The following PDCD11 variants were observed in gnomAD, a reference collection of about 807,000 sequenced individuals.
PDCD11 encodes the protein protein RRP5 homolog.
Under a neutral mutation model 198.9 loss-of-function variants are expected in PDCD11, and 97 were observed. That is an observed-to-expected ratio of 0.49 (90% confidence interval 0.41 to 0.58). The LOEUF is 0.58. PDCD11 is among the 20% of genes least tolerant of loss of function. PDCD11 has a pLI of 0.00. For missense variants in PDCD11, 2,102 were observed against 2,312.7 expected (o/e 0.91, Z 1.87); for synonymous variants, 893 against 918.0 (o/e 0.97, Z 0.49).
chr10:103,413,644 T>C (rs564327272), intron 9 of PDCD11, among the ~76,000 whole-genome samples: 1 of 152,212 alleles, frequency 6.6e-6, no homozygotes, highest in South Asian at 2.1e-4. Flanking sequence ...CTGTCCTAAT[T>C]GTTCAACGCT....
intron 11 of PDCD11, 106 bp from the exon 12 acceptor site, chr10:103,414,899 G>A (rs2031015710): frequency 8.7e-7 from 1 of 1,148,980 alleles, no homozygotes; most frequent in Middle Eastern, 2.1e-4. Context: ...GGCACAGTTA[G>A]CCCAGGAAGT....
At position 103,421,498 on chromosome 10, in the gene PDCD11, A is replaced by C. The variant is rs1592128226; in HGVS notation, c.2428A>C (p.Thr810Pro). Residue 810 changes from threonine (T) to proline (P), a missense_variant, in exon 17 of 36, where the codon ACC becomes CCC. Physicochemically the swap from Thr to Pro is conservative, Grantham distance 38 (BLOSUM62 -1). Coordinates refer to ENST00000369797, the MANE Select transcript of PDCD11 (RefSeq NM_014976.2). The part of the protein sequence containing the change: ...SDCGLGDLAI[T>P]SLLLLNQCLE... ...CTGTGGTCTGGGGGACTTGGCTATC[A>C]CCAGCCTCCTCCTCCTGAATCAGTG... 2.5e-6 allele frequency: 4 copies of C among 1,592,460 alleles called. No individual in the cohort carries two copies. The highest frequency in any genetic ancestry group is 3.4e-6 in the Non-Finnish European group (4 of 1,169,244).
chr10:103,432,359 G>T, intron 22 of PDCD11, 125 bp downstream of exon 22: 1 of 695,404 alleles, frequency 1.4e-6, no homozygotes. Flanking sequence ...CTGGGTTTGT[G>T]GGAGACAGTA....
Position 103,396,696 on chromosome 10 carries a change from G to A in PDCD11, c.-46G>A, listed in dbSNP as rs1487931025. ...GCGTGTGTGAGTACCGCGGCGCGAG[G>A]TTAGTGGTAGCTGGGTGCAGACGCC... is the stretch of plus-strand genomic sequence containing the variant. On this transcript the variant is annotated 5_prime_UTR_variant, in exon 1 of 36. Coordinates refer to ENST00000369797, the MANE Select transcript of PDCD11 (RefSeq NM_014976.2). 6.6e-6 allele frequency: 1 copy of A among 152,572 alleles called. No homozygotes were observed. Among genetic ancestry groups the A allele is most frequent in the Non-Finnish European group, 1.5e-5 (1 of 68,330 alleles). The allele number at this position is 152,572 out of a possible 1,614,324, so 9.5% of individuals were successfully genotyped here. A position where few individuals can be genotyped will look rare whatever the true frequency, so the allele number is the denominator to read the frequency against.
intron 20 of PDCD11, among the ~76,000 whole-genome samples, chr10:103,426,563 G>C (rs1191439359): frequency 6.6e-6 from 1 of 152,168 alleles, no homozygotes; most frequent in Non-Finnish European, 1.5e-5. Context: ...GGGAGGCTGA[G>C]GTGGGTGGAT....
At chr10:103,439,921 TC>T in intron 28 of PDCD11, 53 bp downstream of exon 28, 1 of 1,607,166 alleles carries the variant, frequency 6.2e-7, no homozygotes, top group Non-Finnish European at 8.5e-7. Flanking sequence ...AACCCCTTTC[TC>T]CAGGAGCCCT....
chr10:103,441,793 G>C lies in PDCD11; in HGVS notation c.4558-33G>C, dbSNP rs780640113. The C allele has an allele frequency of 3.7e-6, 6 of 1,604,828 alleles. No homozygotes were observed. The East Asian group carries it at 1.3e-4, about 36-fold the overall frequency. On this transcript the variant is annotated intron_variant, in intron 30 of 35. Coordinates refer to ENST00000369797, the MANE Select transcript of PDCD11 (RefSeq NM_014976.2). ...GGGGAACAGGGAGCAGCCTGAGCCA[G>C]GTGCTTTCTTTAGCGCCTCTGTGTT...
At chr10:103,434,719 C>T (rs4917389) in intron 24 of PDCD11, 79 bp from the exon 25 acceptor site, 167,684 of 1,261,290 alleles carry the variant, frequency 0.13, 12,376 homozygotes, top group Middle Eastern at 0.19. Flanking sequence ...CCACCTTCCC[C>T]AGCCTGTGTG....
chr10:103,417,713 A>G, intron 13 of PDCD11, 79 bp from the exon 14 acceptor site: 2 of 1,460,154 alleles, frequency 1.4e-6, no homozygotes, highest in Non-Finnish European at 1.9e-6. Context: ...AGTCCTCTGC[A>G]GCAGTAGTGG....
chr10:103,422,664 G>T (rs1404661968), intron 17 of PDCD11, among the ~76,000 whole-genome samples: 1 of 152,096 alleles, frequency 6.6e-6, no homozygotes, highest in Non-Finnish European at 1.5e-5. Flanking sequence ...GTGTGGGGTT[G>T]TTGTAACTTT....
At chr10:103,441,674 G>T in intron 30 of PDCD11, 152 bp from the exon 31 acceptor site, 1 of 668,038 alleles carries the variant, frequency 1.5e-6, no homozygotes, top group Non-Finnish European at 2.6e-6. Context: ...TTCCCCAGTG[G>T]GCTGGGGCCT....
intron 7 of PDCD11, 112 bp downstream of exon 7, chr10:103,406,902 G>A (rs938946729): frequency 6.4e-6 from 5 of 780,784 alleles, no homozygotes; most frequent in Non-Finnish European, 9.8e-6. Flanking sequence ...AGTCACTTAC[G>A]CCCATTGAGC....
intron 16 of PDCD11, among the ~76,000 whole-genome samples, chr10:103,419,953 C>T (rs80204498): frequency 3.2e-4 from 31 of 97,326 alleles, no homozygotes; most frequent in Middle Eastern, 6.3e-3. Flanking sequence ...ACATGCCAGG[C>T]TTTTTTTTTT....
At chr10:103,440,269 C>T (rs774831376) in intron 28 of PDCD11, 21 bp from the exon 29 acceptor site, 11 of 1,594,950 alleles carry the variant, frequency 6.9e-6, no homozygotes, top group Non-Finnish European at 9.4e-6. Context: ...GTCTTTACCT[C>T]CCCATCTTGC....
chr10:103,444,440 G>A (rs773678362), intron 34 of PDCD11, 77 bp from the exon 35 acceptor site: 13 of 1,395,224 alleles, frequency 9.3e-6, no homozygotes, highest in African/African-American at 2.8e-5. Context: ...TCAGGTGCAC[G>A]CTGACCCTGC....
chr10:103,406,882 G>A (rs2030487771), intron 7 of PDCD11, 92 bp downstream of exon 7: 2 of 1,009,568 alleles, frequency 2.0e-6, no homozygotes, highest in African/African-American at 1.6e-5. Context: ...GTCTGATAAA[G>A]GTAGTCACTA....
intron 31 of PDCD11, 115 bp from the exon 32 acceptor site, chr10:103,442,098 G>A: frequency 6.5e-7 from 1 of 1,545,614 alleles, no homozygotes. Flanking sequence ...CCAGTCCCAG[G>A]CCAGGGGGTA....
chr10:103,400,218 C>CT (rs2029924803), intron 2 of PDCD11, among the ~76,000 whole-genome samples, 179 bp from the exon 3 acceptor site: 1 of 119,330 alleles, frequency 8.4e-6, no homozygotes, highest in South Asian at 3.1e-4. Flanking sequence ...ACATTGGCGG[C>CT]CCCCCCCCTT....
At position 103,440,184 on chromosome 10, in the gene PDCD11, G is replaced by A. The variant is rs1319024013; in HGVS notation, c.4149-106G>A. The A allele has an allele frequency of 3.4e-6, 5 of 1,483,968 alleles. No homozygotes were observed. The African/African-American group carries it at 5.6e-5, about 17-fold the overall frequency. 91.9% of individuals were successfully genotyped at this position (1,483,968 alleles called of 1,614,324 possible). A position where few individuals can be genotyped will look rare whatever the true frequency, so the allele number is the denominator to read the frequency against. On this transcript the variant is annotated intron_variant, in intron 28 of 35. Transcript: ENST00000369797. Reference sequence around the variant, plus strand: ...GAAAGGACTCCCAAGGCAGATGGGGGCAGGGCCCAGAATCGTGGGCTGATC... The same window carrying A: ...GAAAGGACTCCCAAGGCAGATGGGGACAGGGCCCAGAATCGTGGGCTGATC...
Sources: allele counts gnomAD v4.1 joint callset (sites outside exome capture counted in the v4.1 genomes callset), GRCh38; gene constraint gnomAD v4.1.1; transcripts MANE v1.5; gene names NCBI Gene and HGNC (gene_info 2026-07-23, HGNC 2026-07-21).